Variants in THAP12 observed in about 807,000 individuals in gnomAD.
The protein encoded by THAP12 is 52 kDa repressor of the inhibitor of the protein kinase.
A neutral mutation model predicts 63.0 loss-of-function variants in THAP12; 20 were observed. The ratio of observed to expected loss-of-function variants is 0.32; its 90% CI spans 0.22 to 0.46. The LOEUF is 0.46. Ranked by LOEUF, THAP12 falls within the 20% of genes least tolerant of loss-of-function variation. The probability of loss-of-function intolerance (pLI) is 1.00; values close to 1 mark genes in which losing one functional copy is unlikely to be tolerated. For synonymous variants in THAP12, 264 were observed against 328.4 expected (o/e 0.80, Z 2.12); for missense variants, 568 against 908.2 (o/e 0.63, Z 4.81).
chr11:76,380,639 C>A (rs889612221), intron 1 of THAP12, 109 bp downstream of exon 1: 4 of 815,300 alleles, frequency 4.9e-6, no homozygotes, highest in Non-Finnish European at 5.0e-6. Context: ...GCGCTGCGCC[C>A]GCCTCCTGCG....
At chr11:76,357,813 T>A (rs923364453) in intron 3 of THAP12, 2 of 152,082 alleles carry the variant, frequency 1.3e-5, no homozygotes, top group African/African-American at 4.8e-5. Flanking sequence ...ATGACAACAC[T>A]ATATGTCTAA....
At chr11:76,361,607 C>G (rs1428772990) in intron 2 of THAP12, among the ~76,000 whole-genome samples, 3 of 152,148 alleles carry the variant, frequency 2.0e-5, no homozygotes. Flanking sequence ...CCTTTTTGGG[C>G]CCCAGTTTCT....
intron 2 of THAP12, among the ~76,000 whole-genome samples, chr11:76,363,461 G>A (rs182291275): frequency 6.6e-6 from 1 of 152,062 alleles, no homozygotes; most frequent in East Asian, 1.9e-4. Flanking sequence ...CTTCAGCCTT[G>A]GACTCCTGAG....
At chr11:76,367,328 G>A (rs1193837104) in intron 1 of THAP12, among the ~76,000 whole-genome samples, 5 of 152,150 alleles carry the variant, frequency 3.3e-5, no homozygotes, top group Admixed American at 2.6e-4. Context: ...TGCCCGCCTC[G>A]GCCTCCCAAA....
intron 1 of THAP12, among the ~76,000 whole-genome samples, chr11:76,374,767 G>A (rs1946697590): frequency 2.0e-5 from 3 of 152,172 alleles, no homozygotes; most frequent in Admixed American, 2.0e-4. Context: ...TCCCTGAAAG[G>A]ATCTTGGGGA....
intron 1 of THAP12, among the ~76,000 whole-genome samples, chr11:76,367,368 G>A (rs1343952967): frequency 6.6e-6 from 1 of 151,974 alleles, no homozygotes; most frequent in African/African-American, 2.4e-5. Context: ...GAGCCACCGC[G>A]CCCGGCCCAT....
intron 1 of THAP12, among the ~76,000 whole-genome samples, chr11:76,375,747 T>TA (rs1555025964): frequency 5.9e-5 from 5 of 85,442 alleles, no homozygotes; most frequent in Non-Finnish European, 9.8e-5. Flanking sequence ...GAAGAAAAGG[T>TA]GGGGGGGGGG....
chr11:76,362,892 A>C (rs1344838982), intron 2 of THAP12, among the ~76,000 whole-genome samples: 1 of 152,230 alleles, frequency 6.6e-6, no homozygotes. Context: ...CTGTAATTCC[A>C]ACACTTTGGG....
At chr11:76,357,868 G>A (rs1946571850) in intron 3 of THAP12, 1 of 152,018 alleles carries the variant, frequency 6.6e-6, no homozygotes, top group Non-Finnish European at 1.5e-5. Context: ...GACTTTTATA[G>A]CTTTGAATAC....
intron 4 of THAP12, among the ~76,000 whole-genome samples, chr11:76,353,315 A>T (rs1312882545): frequency 6.6e-6 from 1 of 152,254 alleles, no homozygotes; most frequent in Non-Finnish European, 1.5e-5. Flanking sequence ...GCATCACATT[A>T]CTCTCTGTTC....
At chr11:76,373,588 G>A (rs1590806813) in intron 1 of THAP12, among the ~76,000 whole-genome samples, 1 of 151,976 alleles carries the variant, frequency 6.6e-6, no homozygotes, top group East Asian at 1.9e-4. Context: ...CGGGGGTTGT[G>A]ATGGGCACCT....
intron 3 of THAP12, chr11:76,356,907 T>C (rs1946565040): frequency 6.6e-6 from 1 of 152,080 alleles, no homozygotes; most frequent in Non-Finnish European, 1.5e-5. Context: ...CCGGGCGTGG[T>C]GGCACATGCC....
At chr11:76,352,826 G>C (rs202096026) in intron 4 of THAP12, 32 bp from the exon 5 acceptor site, 51 of 1,499,660 alleles carry the variant, frequency 3.4e-5, no homozygotes, top group Non-Finnish European at 4.5e-5. Context: ...TTACAAACAG[G>C]CTCATGAAAA....
In THAP12 at chr11:76,381,117, C is replaced by T. The variant is rs1392426033; in HGVS notation, c.-281G>A. 1 of 178,676 alleles carries T rather than the reference C, an allele frequency of 5.6e-6. No homozygotes were observed. Among genetic ancestry groups the T allele is most frequent in the African/African-American group, 2.4e-5 (1 of 42,218 alleles). 11.1% of individuals were successfully genotyped at this position (178,676 alleles called of 1,614,324 possible). On this transcript the variant is annotated 5_prime_UTR_variant, in exon 1 of 5. Transcript: ENST00000260045. ...TCCCGCCCGCCCGAGACGCTGCCGC[C>T]TCCTTCCCACAATGCACCCTGACGC...
At chr11:76,362,032 A>T (rs1315262748) in intron 2 of THAP12, among the ~76,000 whole-genome samples, 1 of 152,172 alleles carries the variant, frequency 6.6e-6, no homozygotes, top group African/African-American at 2.4e-5. Context: ...TGTTAATTTC[A>T]TCCAACTTGG....
At chr11:76,370,839 A>ATATAT (rs1388416535) in intron 1 of THAP12, among the ~76,000 whole-genome samples, 1 of 133,536 alleles carries the variant, frequency 7.5e-6, no homozygotes. Flanking sequence ...AGAAAAAAAA[A>ATATAT]AAAAATATAT....
chr11:76,360,060 A>G lies in THAP12; in HGVS notation c.318+896T>C, dbSNP rs185032008. On this transcript the variant is annotated intron_variant, in intron 3 of 4. Coordinates refer to ENST00000260045, the MANE Select transcript of THAP12 (RefSeq NM_004705.4). ...GCATTTTATACCAGTGGACGAAAGG[A>G]AGAACTAACAGACCATGTTGGGAAA... Among the ~76,000 whole-genome samples the G allele has an allele frequency of 2.6e-5, 4 of 152,328 alleles. No homozygotes were observed. In the East Asian group the frequency reaches 7.7e-4, roughly 29 times the overall value.
intron 1 of THAP12, among the ~76,000 whole-genome samples, chr11:76,378,845 G>A (rs934343672): frequency 1.3e-5 from 2 of 151,938 alleles, no homozygotes; most frequent in Non-Finnish European, 2.9e-5. Context: ...CTGACCTCAA[G>A]TGATCCGCCT....
chr11:76,365,009 G>C (rs993781309), intron 2 of THAP12, among the ~76,000 whole-genome samples: 1 of 152,166 alleles, frequency 6.6e-6, no homozygotes, highest in African/African-American at 2.4e-5. Flanking sequence ...AGCCGGGTGT[G>C]GAGGCTCATA....
Sources: gnomAD v4.1 joint callset for allele counts (sites outside exome capture counted in the v4.1 genomes callset) on GRCh38, gnomAD v4.1.1 for gene constraint, MANE v1.5 for transcripts, NCBI Gene and HGNC (gene_info 2026-07-23, HGNC 2026-07-21) for gene names.